The following CFAP92 variants were observed in gnomAD, a reference collection of about 807,000 sequenced individuals.
CFAP92 encodes cilia and flagella associated protein 92 (putative).
A neutral mutation model predicts 106.3 loss-of-function variants in CFAP92; 86 were observed. The ratio of observed to expected loss-of-function variants is 0.81; its 90% confidence interval spans 0.68 to 0.97. The LOEUF is 0.97. Ranked by LOEUF, CFAP92 falls within the 50% of genes least tolerant of loss-of-function variation. The probability of loss-of-function intolerance (pLI) is 0.00; values close to 1 mark genes in which losing one functional copy is unlikely to be tolerated. For synonymous variants in CFAP92, 477 were observed against 506.4 expected (o/e 0.94, Z 0.78); for missense variants, 1,204 against 1,283.8 (o/e 0.94, Z 0.95).
the CFAP92 span, among the ~76,000 whole-genome samples, chr3:129,021,063 C>T: frequency 2.6e-5 from 4 of 152,248 alleles, no homozygotes; most frequent in African/African-American, 9.6e-5. Context: ...GGAGGGTTTG[C>T]CTCAGTGACT....
chr3:128,950,716 C>T (rs1227986541), intron 9 of CFAP92, among the ~76,000 whole-genome samples: 1 of 152,222 alleles, frequency 6.6e-6, no homozygotes, highest in African/African-American at 2.4e-5. Context: ...TGATGCAGTG[C>T]AGCAACGTGT....
intron 15 of CFAP92, among the ~76,000 whole-genome samples, chr3:128,910,551 TGA>T (rs1280425350): frequency 6.6e-6 from 1 of 152,206 alleles, no homozygotes; most frequent in Non-Finnish European, 1.5e-5. Context: ...TCAGAGATGT[TGA>T]GTCACTTGCT....
At chr3:129,025,456 T>C in the CFAP92 span, among the ~76,000 whole-genome samples, 1 of 152,212 alleles carries the variant, frequency 6.6e-6, no homozygotes, top group Admixed American at 6.5e-5. Flanking sequence ...GAACTGGCCA[T>C]TGGGCTTGGC....
chr3:129,025,988 G>A, the CFAP92 span, among the ~76,000 whole-genome samples: 1 of 152,194 alleles, frequency 6.6e-6, no homozygotes, highest in Non-Finnish European at 1.5e-5. Flanking sequence ...TCCCGCCTGA[G>A]TGCAGACCCC....
intron 9 of CFAP92, among the ~76,000 whole-genome samples, chr3:128,949,342 G>T (rs1576481329): frequency 6.6e-6 from 1 of 152,164 alleles, no homozygotes; most frequent in African/African-American, 2.4e-5. Context: ...AACAAACTGT[G>T]GTACACCCTT....
At chr3:129,014,813 C>T in the CFAP92 span, among the ~76,000 whole-genome samples, 7 of 152,118 alleles carry the variant, frequency 4.6e-5, no homozygotes, top group East Asian at 3.8e-4. This position sits in a 1 kb window ranked among gnomAD's most constrained non-coding sequence, Gnocchi z 4.3. Context: ...TGCACGGGGA[C>T]GAGCAGGTTG....
chr3:128,983,714 A>T lies in CFAP92; in HGVS notation c.667+3902T>A, dbSNP rs538254902. On this transcript the variant is annotated intron_variant, in intron 4 of 15. Coordinates refer to ENST00000645291, the MANE Select transcript of CFAP92 (RefSeq NM_001394090.1). The stretch of plus-strand genomic sequence containing the variant: ...AAAGAGATGAGGCTGGGAGCCGTGG[A>T]AGAATGCCCAGCTGGCTGGAGGCAG... 1.9e-4 allele frequency among the ~76,000 whole-genome samples: 29 copies of T among 152,380 alleles called. No homozygotes were observed. The East Asian group carries it at 5.6e-3, about 29-fold the overall frequency.
chr3:128,975,082 T>G (rs1351490964), intron 7 of CFAP92, among the ~76,000 whole-genome samples: 1 of 151,908 alleles, frequency 6.6e-6, no homozygotes, highest in African/African-American at 2.4e-5. Flanking sequence ...ACTGCACAAC[T>G]GCACTCCAGC....
At chr3:128,927,122 ACT>A (rs1296519579) in intron 12 of CFAP92, among the ~76,000 whole-genome samples, 2 of 151,248 alleles carry the variant, frequency 1.3e-5, no homozygotes, top group Non-Finnish European at 2.9e-5. Context: ...GATATTAGAG[ACT>A]CTCTCCATTC....
chr3:128,962,009 A>G (rs1415808050), intron 9 of CFAP92, among the ~76,000 whole-genome samples: 1 of 152,172 alleles, frequency 6.6e-6, no homozygotes, highest in Admixed American at 6.5e-5. Context: ...CCACCAGGCC[A>G]AGGAATGCCC....
At chr3:128,950,646 G>T (rs1195191882) in intron 9 of CFAP92, among the ~76,000 whole-genome samples, 1 of 152,210 alleles carries the variant, frequency 6.6e-6, no homozygotes, top group Non-Finnish European at 1.5e-5. Flanking sequence ...AAAGGGGGCA[G>T]GCACAAGCTG....
Position 128,920,811 on chromosome 3 carries a change from G to A in CFAP92, c.2752-4540C>T, listed in dbSNP as rs1049515840. Among the ~76,000 whole-genome samples the A allele has an allele frequency of 3.3e-5, 5 of 152,182 alleles. No homozygotes were observed. The East Asian group carries it at 9.6e-4, about 29-fold the overall frequency. On this transcript the variant is annotated intron_variant, in intron 12 of 15. Coordinates refer to ENST00000645291, the MANE Select transcript of CFAP92 (RefSeq NM_001394090.1). ...CAGGGAACAGCGCATAAAACCCCTC[G>A]TGGCCTCTGGAATGTGTCTCGACTT...
In CFAP92 at chr3:128,916,287, C is replaced by A. The variant is rs963130865; in HGVS notation, c.2752-16G>T. On this transcript the variant is annotated splice_polypyrimidine_tract_variant and intron_variant, in intron 12 of 15. Transcript: ENST00000645291. ...TGATATTTTTCTGAAGAAAGAGACACCAGTCACTACCCACACCAGGTCATC... is the reference window on the plus strand; with the variant it reads ...TGATATTTTTCTGAAGAAAGAGACAACAGTCACTACCCACACCAGGTCATC... The A allele has an allele frequency of 1.5e-5, 19 of 1,231,812 alleles. No individual in the cohort carries two copies. In the African/African-American group the frequency reaches 2.9e-4, roughly 19 times the overall value. The allele number at this position is 1,231,812 out of a possible 1,614,324, so 76.3% of individuals were successfully genotyped here. A position where few individuals can be genotyped will look rare whatever the true frequency, so the allele number is the denominator to read the frequency against.
At position 128,915,549 on chromosome 3, in the gene CFAP92, T is replaced by C; in HGVS notation, c.2931A>G (p.Arg977=). The C allele has an allele frequency of 6.6e-7, 1 of 1,518,454 alleles. No individual in the cohort carries two copies. Among genetic ancestry groups the C allele is most frequent in the Non-Finnish European group, 8.8e-7 (1 of 1,138,016 alleles). 94.1% of individuals were successfully genotyped at this position (1,518,454 alleles called of 1,614,324 possible). The change falls in exon 14 of 16, where the codon AGA becomes AGG. Residue 977 remains arginine, a synonymous_variant. Coordinates refer to ENST00000645291, the MANE Select transcript of CFAP92 (RefSeq NM_001394090.1). ...AGAGGTAATCCTGTGAGTACGTGAA[T>C]CTCTTTCTTGGCTCCTAGAAATGGG... ...YQEIAKEPRK[R]FTYSQDYLSA... is the part of the protein sequence containing the mutation.
chr3:128,963,970 C>T (rs1384348009), intron 9 of CFAP92, among the ~76,000 whole-genome samples: 1 of 152,222 alleles, frequency 6.6e-6, no homozygotes, highest in East Asian at 1.9e-4. Flanking sequence ...CAAATAGACA[C>T]TTTCACTGAA....
At chr3:128,910,904 G>C (rs1559835016) in intron 15 of CFAP92, 1 of 1,459,656 alleles carries the variant, frequency 6.9e-7, no homozygotes, top group African/African-American at 1.4e-5. Context: ...CAAGCTCCCA[G>C]AGCCTGCTAG....
At chr3:128,927,995 G>A (rs1455363601) in intron 12 of CFAP92, among the ~76,000 whole-genome samples, 1 of 152,164 alleles carries the variant, frequency 6.6e-6, no homozygotes, top group African/African-American at 2.4e-5. Flanking sequence ...GCTCAAGCCT[G>A]TAATCCCAGC....
upstream of CFAP92, among the ~76,000 whole-genome samples, chr3:129,006,792 C>G (rs1228116140): frequency 6.6e-6 from 1 of 152,172 alleles, no homozygotes; most frequent in African/African-American, 2.4e-5. Context: ...AGAAACATGC[C>G]TTCAACCCTA....
At chr3:128,934,201 C>A (rs189457374) in intron 11 of CFAP92, among the ~76,000 whole-genome samples, 1 of 152,178 alleles carries the variant, frequency 6.6e-6, no homozygotes, top group South Asian at 2.1e-4. Flanking sequence ...GCCCACAGGC[C>A]CCCTAGAGCC....
Sources: allele counts gnomAD v4.1 joint callset (sites outside exome capture counted in the v4.1 genomes callset), GRCh38; gene constraint gnomAD v4.1.1; non-coding constraint Gnocchi (gnomAD v3.1); transcripts MANE v1.5; gene names NCBI Gene and HGNC (gene_info 2026-07-23, HGNC 2026-07-21).